Variants in ADH1B observed in about 807,000 individuals in gnomAD.
ADH1B encodes the protein alcohol dehydrogenase 1B (class I), beta polypeptide, also known as all-trans-retinol dehydrogenase [NAD(+)] ADH1B.
ADH1B carries 29 observed loss-of-function variants against 34.6 expected under a neutral mutation model. The observed-to-expected ratio is 0.84, with a 90% CI of 0.62 to 1.14. The LOEUF (loss-of-function observed/expected upper bound fraction) is 1.14, where lower values mean the gene tolerates loss of function less well. ADH1B is among the 50% of genes most tolerant of loss of function. The probability of loss-of-function intolerance (pLI) is 0.00; values close to 1 mark genes in which losing one functional copy is unlikely to be tolerated. For missense variants in ADH1B, 424 were observed against 468.4 expected (o/e 0.91, Z 0.87); for synonymous variants, 170 against 175.5 (o/e 0.97, Z 0.25).
chr4:99,317,884 T>C (rs1395988644), intron 3 of ADH1B, 162 bp downstream of exon 3: 2 of 1,191,834 alleles, frequency 1.7e-6, no homozygotes, highest in South Asian at 1.5e-5. Context: ...GCATACATGC[T>C]TGGGTCAGGC....
intron 1 of ADH1B, chr4:99,319,231 A>C: frequency 1.1e-5 from 4 of 356,088 alleles, no homozygotes; most frequent in Non-Finnish European, 2.1e-5. Context: ...CTGATATATG[A>C]AGTTAGAAGT....
Position 99,306,003 on chromosome 4 carries a change from G to C in ADH1B, c.*1837C>G, listed in dbSNP as rs1474128077. On this transcript the variant is annotated 3_prime_UTR_variant, in exon 9 of 9. Transcript: ENST00000305046. ...TTCTTGACCCTGAGTAACTCCTTCA[G>C]CATTTTCTTTTCTTTTCTTTTGACA... is the stretch of plus-strand genomic sequence containing the variant. 1 of 152,166 alleles carries C rather than the reference G, an allele frequency of 6.6e-6. No individual in the cohort carries two copies. Among genetic ancestry groups the C allele is most frequent in the Non-Finnish European group, 1.5e-5 (1 of 68,102 alleles). 9.4% of individuals were successfully genotyped at this position (152,166 alleles called of 1,614,324 possible). A position where few individuals can be genotyped will look rare whatever the true frequency, so the allele number is the denominator to read the frequency against.
At chr4:99,315,743 A>C in intron 5 of ADH1B, 155 bp downstream of exon 5, 15 of 796,988 alleles carry the variant, frequency 1.9e-5, no homozygotes, top group South Asian at 3.7e-5. Context: ...TGAAATTTCT[A>C]GCATGTGTAC....
At chr4:99,319,440 G>A (rs556189968) in intron 1 of ADH1B, 1 of 158,750 alleles carries the variant, frequency 6.3e-6, no homozygotes, top group South Asian at 1.8e-4. Flanking sequence ...ACTTCTGTGT[G>A]CTACTTGTTT....
chr4:99,308,827 T>C (rs1733679321), intron 8 of ADH1B, among the ~76,000 whole-genome samples: 1 of 152,088 alleles, frequency 6.6e-6, no homozygotes, highest in South Asian at 2.1e-4. Flanking sequence ...TGAATTTCTA[T>C]GAACTTTTTT....
chr4:99,313,535 A>G, intron 6 of ADH1B: 3 of 416,988 alleles, frequency 7.2e-6, no homozygotes, highest in Non-Finnish European at 8.3e-6. Context: ...TTGAACTTAT[A>G]TTTTTTAACT....
chr4:99,313,497 G>T (rs2110633335), intron 6 of ADH1B: 1 of 293,060 alleles, frequency 3.4e-6, no homozygotes, highest in African/African-American at 2.2e-5. Context: ...TCCAATTTGA[G>T]AACAGAATTT....
intron 3 of ADH1B, chr4:99,317,357 T>A (rs28913919): frequency 2.6e-5 from 4 of 152,200 alleles, no homozygotes; most frequent in African/African-American, 9.7e-5. Context: ...AATACATAAG[T>A]TTAGGGTAAA....
At chr4:99,318,966 T>G in intron 1 of ADH1B, 80 bp from the exon 2 acceptor site, 1 of 1,444,988 alleles carries the variant, frequency 6.9e-7, no homozygotes, top group Non-Finnish European at 9.7e-7. Flanking sequence ...TCTTTGTACA[T>G]GTAATATTGC....
chr4:99,310,399 A>G (rs183800770), intron 8 of ADH1B: 46 of 428,058 alleles, frequency 1.1e-4, no homozygotes, highest in Admixed American at 2.7e-4. Context: ...TCAGCTTTAT[A>G]TAGGTAGAAG....
chr4:99,320,691 A>G, intron 1 of ADH1B: 1 of 563,330 alleles, frequency 1.8e-6, no homozygotes, highest in Non-Finnish European at 2.3e-6. Flanking sequence ...TAACTTTTAA[A>G]TGGGGAAGAT....
Position 99,316,238 on chromosome 4 carries a change from C to G in ADH1B, c.324G>C (p.Glu108Asp), listed in dbSNP as rs749342166. The change falls in exon 4 of 9, where the codon GAG becomes GAC. Residue 108 changes from glutamate to aspartate, a missense_variant. Coordinates refer to ENST00000305046, the MANE Select transcript of ADH1B (RefSeq NM_000668.6). ...CGKCRVCKNP[E>D]SNYCLKNDLG... is the part of the protein sequence containing the mutation. Reference sequence around the variant, plus strand: ...ACTCATTTTTCAAGCAGTAGTTGCTCTCCGGGTTTTTACAAACTCTGCATT... The same window carrying G: ...ACTCATTTTTCAAGCAGTAGTTGCTGTCCGGGTTTTTACAAACTCTGCATT... 8.1e-6 allele frequency: 13 copies of G among 1,614,218 alleles called. No homozygotes were observed. The highest frequency in any genetic ancestry group is 3.3e-4 in the Middle Eastern group (2 of 6,062).
Position 99,316,275 on chromosome 4 carries a change from G to A in ADH1B, c.287C>T (p.Pro96Leu). The change falls in exon 4 of 9, where the codon CCT (proline) becomes CTT (leucine). Residue 96 changes from proline to leucine, a missense_variant. Around this residue, in one of 3 missense-constraint regions of ADH1B, gnomAD observed 291 missense variants for 300.4 expected, o/e 0.97. Transcript: ENST00000305046. ...PGDKVIPLFT[P>L]QCGKCRVCKN... ...ACAAACTCTGCATTTTCCACACTGA[G>A]GAGTAAAGAGCGGGATGACTTTATC... The A allele has an allele frequency of 6.2e-7, 1 of 1,614,142 alleles. No homozygotes were observed. Among genetic ancestry groups the A allele is most frequent in the Non-Finnish European group, 8.5e-7 (1 of 1,180,012 alleles).
intron 6 of ADH1B, chr4:99,313,580 TAAG>T (rs1733803466): frequency 6.6e-6 from 4 of 607,280 alleles, no homozygotes; most frequent in Non-Finnish European, 1.1e-5. Flanking sequence ...ATTGCTCAGT[TAAG>T]AAAAACAAAC....
intron 6 of ADH1B, among the ~76,000 whole-genome samples, chr4:99,312,483 G>C (rs1023015032): frequency 1.3e-5 from 2 of 152,180 alleles, no homozygotes; most frequent in Non-Finnish European, 2.9e-5. Flanking sequence ...TACCCACACT[G>C]CTGGACCTTC....
rs770838524 is a variant in ADH1B at position 99,321,324 on chromosome 4, G to A, written c.8C>T (p.Thr3Ile). MS[T>I]AGKVIKCKAA... ...ATATTTTTTGCTTACTTTTCCTGCT[G>A]TGCTCATGTCGTTTCTGTCTTCTCT... Residue 3 changes from threonine to isoleucine, a missense_variant, in exon 1 of 9, where the codon ACA becomes ATA. Around this residue, in one of 3 missense-constraint regions of ADH1B, gnomAD observed 291 missense variants for 300.4 expected, o/e 0.97. Transcript: ENST00000305046. 2 of 1,611,512 alleles carry A rather than the reference G, an allele frequency of 1.2e-6. No individual in the cohort carries two copies. Among genetic ancestry groups the A allele is most frequent in the Non-Finnish European group, 1.7e-6 (2 of 1,178,352 alleles).
Position 99,307,456 on chromosome 4 carries a change from G to C in ADH1B, c.*384C>G. The C allele has an allele frequency of 3.7e-6, 1 of 268,174 alleles. No homozygotes were observed. Among genetic ancestry groups the C allele is most frequent in the Admixed American group, 5.6e-5 (1 of 17,928 alleles). The allele number at this position is 268,174 out of a possible 1,614,324, so 16.6% of individuals were successfully genotyped here. ...AGAAGACTTCAATCACAATGGCCCA[G>C]CATGTGTATGTTCAGGGCAAGTAAA... is the stretch of plus-strand genomic sequence containing the variant. On this transcript the variant is annotated 3_prime_UTR_variant, in exon 9 of 9. Transcript: ENST00000305046.
chr4:99,311,073 TA>T (rs527945727), intron 7 of ADH1B, among the ~76,000 whole-genome samples, 170 bp from the exon 8 acceptor site: 2 of 152,088 alleles, frequency 1.3e-5, no homozygotes, highest in Admixed American at 6.5e-5. Flanking sequence ...TGTCTTGACT[TA>T]AAAAAAATCA....
chr4:99,315,982 A>G lies in ADH1B; in HGVS notation c.483T>C (p.Ile161=), dbSNP rs201788898. 5.9e-5 allele frequency: 96 copies of G among 1,614,218 alleles called. 3 individuals carry two copies. In the Middle Eastern group the frequency reaches 9.9e-4, roughly 17 times the overall value. Residue 161 remains isoleucine (I), a synonymous_variant, in exon 5 of 9, where the codon ATT becomes ATC. Coordinates refer to ENST00000305046, the MANE Select transcript of ADH1B (RefSeq NM_000668.6). ...CTTTCTCCAGGGGCGAGGCTGCATC[A>G]ATTTTGGCCACTGCATTCTCATCCA... ...TVVDENAVAK[I]DAASPLEKVC...
Sources: gnomAD v4.1 joint callset for allele counts (sites outside exome capture counted in the v4.1 genomes callset) on GRCh38, gnomAD v4.1.1 for gene constraint, gnomAD v4.1.1 regional missense constraint, MANE v1.5 for transcripts, NCBI Gene and HGNC (gene_info 2026-07-23, HGNC 2026-07-21) for gene names.